NPAS1: variants seen among roughly 807,000 people sequenced by gnomAD.
NPAS1 encodes neuronal PAS domain-containing protein 1.
Under a neutral mutation model 49.2 loss-of-function variants are expected in NPAS1, and 29 were observed. That is an observed-to-expected ratio of 0.59 (90% CI 0.44 to 0.80). The LOEUF (loss-of-function observed/expected upper bound fraction) is 0.80, where lower values mean the gene tolerates loss of function less well. Among genes scored for constraint, NPAS1 ranks in the 30% least tolerant of loss-of-function variants. The pLI is 0.00. For missense variants in NPAS1, 825 were observed against 835.5 expected (o/e 0.99, Z 0.15); for synonymous variants, 408 against 380.4 (o/e 1.07, Z -0.84).
At chr19:47,026,853 A>C (rs1315167673) in intron 3 of NPAS1, among the ~76,000 whole-genome samples, 3 of 151,746 alleles carry the variant, frequency 2.0e-5, no homozygotes, top group East Asian at 1.9e-4. Context: ...ACTTGGGAGG[A>C]TGAGGCAGGA....
chr19:47,038,987 T>C (rs779180178), intron 6 of NPAS1, 49 bp from the exon 7 acceptor site: 140 of 1,534,736 alleles, frequency 9.1e-5, no homozygotes, highest in Non-Finnish European at 1.2e-4. Flanking sequence ...GGGTGGCCTG[T>C]GTGTTTCCTC....
chr19:47,032,331 C>T lies in NPAS1; in HGVS notation c.412C>T (p.Leu138=), dbSNP rs766775355. Residue 138 remains leucine, a synonymous_variant, in exon 4 of 12, where the codon CTG becomes TTG. Transcript: ENST00000602212. ...ALVSEVFEQH[L]GGHILQSLDG... ...GGTCTCCGAAGTCTTCGAGCAGCACCTGGGAGGTCACATCTTGCAGGTGAG... is the reference window on the plus strand; with the variant it reads ...GGTCTCCGAAGTCTTCGAGCAGCACTTGGGAGGTCACATCTTGCAGGTGAG... The T allele has an allele frequency of 1.2e-6, 2 of 1,613,950 alleles. No individual in the cohort carries two copies. The highest frequency in any genetic ancestry group is 1.3e-5 in the African/African-American group (1 of 74,914).
intron 10 of NPAS1, among the ~76,000 whole-genome samples, chr19:47,041,822 T>A (rs12608509): frequency 0.65 from 97,174 of 150,230 alleles, 32,092 homozygotes; most frequent in Non-Finnish European, 0.73. Flanking sequence ...TAAAAAAAAA[T>A]TTTTTTAATT....
At chr19:47,036,230 G>C (rs1459078200) in intron 6 of NPAS1, 101 bp downstream of exon 6, 2 of 1,242,206 alleles carry the variant, frequency 1.6e-6, no homozygotes, top group East Asian at 2.5e-5. Context: ...TAGCAGTGAA[G>C]TTAGAACTGT....
chr19:47,045,520 G>A lies in NPAS1; in HGVS notation c.1642G>A (p.Glu548Lys). The A allele has an allele frequency of 1.3e-6, 2 of 1,536,048 alleles. No individual in the cohort carries two copies. Among genetic ancestry groups the A allele is most frequent in the Non-Finnish European group, 8.7e-7 (1 of 1,147,464 alleles). The stretch of plus-strand genomic sequence containing the variant: ...CGGCACCATCCGCTACGGCCCCGCG[G>A]AGCTGGGCCTGGTGTACCCGCACCT... ...TPGTIRYGPAELGLVYPHLQR... is the reference protein window; with the variant it reads ...TPGTIRYGPAKLGLVYPHLQR... Residue 548 changes from glutamate to lysine, a missense_variant, in exon 12 of 12, where the codon GAG (glutamate) becomes AAG (lysine). Physicochemically the swap from Glu to Lys is moderately conservative, Grantham distance 56. Transcript: ENST00000602212.
At chr19:47,038,176 A>G (rs1249539687) in intron 6 of NPAS1, among the ~76,000 whole-genome samples, 3 of 152,142 alleles carry the variant, frequency 2.0e-5, no homozygotes, top group Non-Finnish European at 4.4e-5. Flanking sequence ...TCAGGAAGCT[A>G]TGGCAGGTTC....
At chr19:47,032,467 C>A in intron 4 of NPAS1, 116 bp downstream of exon 4, 1 of 1,231,234 alleles carries the variant, frequency 8.1e-7, no homozygotes, top group African/African-American at 1.5e-5. Context: ...ACTGGGAAGG[C>A]GAATGCTCAA....
chr19:47,032,154 C>A, intron 3 of NPAS1, 124 bp from the exon 4 acceptor site: 2 of 824,574 alleles, frequency 2.4e-6, no homozygotes, highest in Admixed American at 2.6e-5. Flanking sequence ...CATGGGTGCC[C>A]AGATACCCCA....
intron 5 of NPAS1, among the ~76,000 whole-genome samples, chr19:47,034,969 G>A (rs2122500915): frequency 1.3e-5 from 2 of 151,340 alleles, no homozygotes; most frequent in South Asian, 4.2e-4. Context: ...ATCACCTGAG[G>A]TCGGGAGTTT....
intron 3 of NPAS1, among the ~76,000 whole-genome samples, chr19:47,023,178 G>A (rs1427982802): frequency 6.6e-6 from 1 of 152,194 alleles, no homozygotes; most frequent in East Asian, 1.9e-4. Context: ...GAGAGAATGC[G>A]GCATTAGCGC....
At chr19:47,033,719 A>T (rs188787458) in intron 5 of NPAS1, among the ~76,000 whole-genome samples, 319 of 151,836 alleles carry the variant, frequency 2.1e-3, no homozygotes, top group African/African-American at 7.4e-3. Context: ...ACACTTTGGG[A>T]GGCTGAGCCA....
intron 6 of NPAS1, among the ~76,000 whole-genome samples, chr19:47,037,181 A>G (rs927497672): frequency 6.6e-6 from 1 of 151,330 alleles, no homozygotes; most frequent in African/African-American, 2.4e-5. Flanking sequence ...GTGAAACCCC[A>G]TCTCTACTAA....
intron 1 of NPAS1, among the ~76,000 whole-genome samples, chr19:47,020,237 G>T (rs887648263): frequency 2.0e-5 from 3 of 151,874 alleles, no homozygotes; most frequent in Non-Finnish European, 4.4e-5. Flanking sequence ...CTGGGGTTAG[G>T]GGGTGTTCTG....
chr19:47,035,414 C>T (rs112292977), intron 5 of NPAS1: 1,986 of 152,250 alleles, frequency 0.013, 17 homozygotes, highest in Non-Finnish European at 0.022. Context: ...AGTGAGGACG[C>T]GGGGGCAGAA....
chr19:47,030,630 CT>C (rs1568502625), intron 3 of NPAS1, among the ~76,000 whole-genome samples: 1 of 144,032 alleles, frequency 6.9e-6, no homozygotes, highest in African/African-American at 2.5e-5. Flanking sequence ...GTGCCTGGCC[CT>C]TTGCCTTTTT....
At chr19:47,020,222 G>C (rs2122412952) in intron 1 of NPAS1, among the ~76,000 whole-genome samples, 1 of 152,002 alleles carries the variant, frequency 6.6e-6, no homozygotes, top group South Asian at 2.1e-4. Flanking sequence ...GGGGCGGCCT[G>C]GTTCCTGGGG....
chr19:47,045,575 C>T lies in NPAS1; in HGVS notation c.1697C>T (p.Pro566Leu), dbSNP rs774061637. The change falls in exon 12 of 12, where the codon CCG (proline) becomes CTG (leucine). Residue 566 changes from proline (P) to leucine (L), a missense_variant. Pro to Leu is a moderately conservative substitution (Grantham distance 98). Coordinates refer to ENST00000602212, the MANE Select transcript of NPAS1 (RefSeq NM_002517.4). ...AGGCTGGGTCCGGGCCCCGCGCTCC[C>T]GGAGGCCTTTTACCCGCCCCTGGGC... ...LQRLGPGPAL[P>L]EAFYPPLGLP... The T allele has an allele frequency of 2.9e-5, 43 of 1,490,734 alleles. No individual in the cohort carries two copies. Among genetic ancestry groups the T allele is most frequent in the South Asian group, 1.2e-4 (9 of 78,100 alleles). 92.3% of individuals were successfully genotyped at this position (1,490,734 alleles called of 1,614,324 possible).
intron 1 of NPAS1, 154 bp from the exon 2 acceptor site, chr19:47,020,852 G>T: frequency 2.3e-6 from 1 of 435,994 alleles, no homozygotes; most frequent in South Asian, 5.1e-5. Flanking sequence ...GCTAGGGTGG[G>T]AGCTGAGGCC....
Position 47,021,581 on chromosome 19 carries a change from C to T in NPAS1, c.123-31C>T, listed in dbSNP as rs942352227. On this transcript the variant is annotated intron_variant, in intron 2 of 11. Coordinates refer to ENST00000602212, the MANE Select transcript of NPAS1 (RefSeq NM_002517.4). This position sits in a 1 kb window ranked among gnomAD's most constrained non-coding sequence, Gnocchi z 5.7. ...CCCAAGCCCCTGAGCCCCGGGGCCCCGCCGACACCTCCTCCGCGCCGCCCG... is the reference window on the plus strand; with the variant it reads ...CCCAAGCCCCTGAGCCCCGGGGCCCTGCCGACACCTCCTCCGCGCCGCCCG... The T allele has an allele frequency of 6.4e-6, 9 of 1,414,172 alleles. No homozygotes were observed. In the East Asian group the frequency reaches 2.0e-4, roughly 31 times the overall value. The allele number at this position is 1,414,172 out of a possible 1,614,324, so 87.6% of individuals were successfully genotyped here.
Sources: gnomAD v4.1 joint callset for allele counts (sites outside exome capture counted in the v4.1 genomes callset) on GRCh38, gnomAD v4.1.1 for gene constraint, Gnocchi (gnomAD v3.1) non-coding constraint, MANE v1.5 for transcripts, NCBI Gene and HGNC (gene_info 2026-07-23, HGNC 2026-07-21) for gene names.